The following TLN2 variants were observed in gnomAD, a reference collection of about 807,000 sequenced individuals.
The protein encoded by TLN2 is talin-2.
TLN2 carries 118 observed loss-of-function variants against 294.7 expected under a neutral mutation model. The ratio of observed to expected loss-of-function variants is 0.40; its 90% CI spans 0.34 to 0.47. The LOEUF is 0.47. Ranked by LOEUF, TLN2 falls within the 20% of genes least tolerant of loss-of-function variation. TLN2 has a pLI of 0.84. For missense variants in TLN2, 3,083 were observed against 3,282.2 expected (o/e 0.94, Z 1.48); for synonymous variants, 1,431 against 1,304.5 (o/e 1.10, Z -2.09).
At chr15:62,821,462 A>AGC (rs2067562391) in intron 54 of TLN2, among the ~76,000 whole-genome samples, 1 of 152,248 alleles carries the variant, frequency 6.6e-6, no homozygotes, top group Non-Finnish European at 1.5e-5. Flanking sequence ...ATTTAGGTAT[A>AGC]CCTAAAAATT....
At position 62,536,402 on chromosome 15, in the gene TLN2, A is replaced by G. The variant is rs543171043; in HGVS notation, c.-237-53285A>G. 6.6e-5 allele frequency among the ~76,000 whole-genome samples: 10 copies of G among 152,334 alleles called. 1 individual carries two copies. The South Asian group carries it at 2.1e-3, about 32-fold the overall frequency. On this transcript the variant is annotated intron_variant, in intron 1 of 58. Transcript: ENST00000636159. ...TCTCTCATCCGTAGGGGCTTCTGAT[A>G]TCTTGTTTTTTCTTCTGTGGCACCA... is the stretch of plus-strand genomic sequence containing the variant.
rs779321310 is a variant in TLN2 at position 62,707,186 on chromosome 15, A to G, written c.2105A>G (p.Gln702Arg). 3.1e-6 allele frequency: 5 copies of G among 1,614,116 alleles called. No homozygotes were observed. Among genetic ancestry groups the G allele is most frequent in the Non-Finnish European group, 3.4e-6 (4 of 1,180,040 alleles). ...CAAGTGGCCGAAGACACTGTCCTAC[A>G]GAACAGGGTAATTGCTGCTGCCACC... ...VAQVAEDTVL[Q>R]NRVIAAATQC... Residue 702 changes from glutamine to arginine, a missense_variant, in exon 20 of 59, where the codon CAG becomes CGG. Gln to Arg is a conservative substitution (Grantham distance 43). Coordinates refer to ENST00000636159, the MANE Select transcript of TLN2 (RefSeq NM_015059.3).
chr15:62,835,790 G>A lies in TLN2; in HGVS notation c.7182G>A (p.Leu2394=), dbSNP rs781417533. The change falls in exon 56 of 59, where the codon CTG becomes CTA. Residue 2394 remains leucine, a synonymous_variant. Coordinates refer to ENST00000636159, the MANE Select transcript of TLN2 (RefSeq NM_015059.3). Reference sequence around the variant, plus strand: ...ACGACGGACAGTGGTCACAGGGGCTGATTTCTGCTGTGAGTTGCCTTCTCC... The same window carrying A: ...ACGACGGACAGTGGTCACAGGGGCTAATTTCTGCTGTGAGTTGCCTTCTCC... ...AADDGQWSQG[L]ISAARMVAAA... 1 of 1,614,242 alleles carries A rather than the reference G, an allele frequency of 6.2e-7. No homozygotes were observed. Among genetic ancestry groups the A allele is most frequent in the South Asian group, 1.1e-5 (1 of 91,088 alleles).
chr15:62,567,644 GACAA>G (rs35897696), intron 1 of TLN2, among the ~76,000 whole-genome samples: 29,727 of 152,008 alleles, frequency 0.2, 3,539 homozygotes, highest in East Asian at 0.53. Context: ...AGACCAGTGT[GACAA>G]ACATAGCAAA....
At position 62,693,367 on chromosome 15, in the gene TLN2, T is replaced by A. The variant is rs150389475; in HGVS notation, c.1215+426T>A. On this transcript the variant is annotated intron_variant, in intron 13 of 58. Coordinates refer to ENST00000636159, the MANE Select transcript of TLN2 (RefSeq NM_015059.3). Reference sequence around the variant, plus strand: ...AACAAAACTTGATTTACTAATTTAATCTTTAATCACTAATTAAGTGTGAGA... The same window carrying A: ...AACAAAACTTGATTTACTAATTTAAACTTTAATCACTAATTAAGTGTGAGA... 5.0e-4 allele frequency among the ~76,000 whole-genome samples: 76 copies of A among 152,324 alleles called. 1 individual carries two copies. The East Asian group carries it at 0.014, about 28-fold the overall frequency.
At chr15:62,603,377 C>T (rs1428328198) in intron 2 of TLN2, among the ~76,000 whole-genome samples, 1 of 152,082 alleles carries the variant, frequency 6.6e-6, no homozygotes, top group East Asian at 1.9e-4. Flanking sequence ...ACTCTATGCA[C>T]GTTTCTCTGC....
rs1243239921 is a variant in TLN2 at position 62,702,833 on chromosome 15, T to C, written c.1973T>C (p.Ile658Thr). ...GQASGDLLRQ[I>T]GENETDERFQ... ...GCCAGTGGGGATCTTCTGAGACAGA[T>C]TGGAGAGAATGAGACTGATGAGCGA... is the stretch of plus-strand genomic sequence containing the variant. Residue 658 changes from isoleucine to threonine, a missense_variant, in exon 19 of 59, where the codon ATT (isoleucine) becomes ACT (threonine). Transcript: ENST00000636159. 1.9e-6 allele frequency: 3 copies of C among 1,614,026 alleles called. No individual in the cohort carries two copies. Among genetic ancestry groups the C allele is most frequent in the Non-Finnish European group, 1.7e-6 (2 of 1,180,026 alleles).
intron 45 of TLN2, among the ~76,000 whole-genome samples, chr15:62,788,924 G>T (rs59061479): frequency 6.6e-6 from 1 of 152,162 alleles, no homozygotes; most frequent in African/African-American, 2.4e-5. Context: ...AAGGAACAAA[G>T]GCCCCTCAAG....
chr15:62,583,654 C>T (rs2045337276), intron 1 of TLN2, among the ~76,000 whole-genome samples: 2 of 152,002 alleles, frequency 1.3e-5, no homozygotes, highest in African/African-American at 4.8e-5. Flanking sequence ...ATATTTTGGC[C>T]AGTTCATAAA....
intron 32 of TLN2, among the ~76,000 whole-genome samples, chr15:62,747,462 A>G (rs1481998680): frequency 6.6e-6 from 1 of 152,216 alleles, no homozygotes; most frequent in African/African-American, 2.4e-5. Context: ...TTTTAAAATC[A>G]TAGGCACAGT....
At chr15:62,455,639 C>T (rs1083870) in intron 1 of TLN2, among the ~76,000 whole-genome samples, 57,448 of 152,108 alleles carry the variant, frequency 0.38, 11,233 homozygotes, top group East Asian at 0.71. Context: ...CTCCAGCAAC[C>T]CTTTGGTGGC....
At chr15:62,796,077 C>A (rs1177776917) in intron 46 of TLN2, 50 bp from the exon 47 acceptor site, 1 of 1,595,346 alleles carries the variant, frequency 6.3e-7, no homozygotes, top group East Asian at 2.2e-5. Flanking sequence ...GCTTTTAGGT[C>A]CTGTTCTCTC....
intron 37 of TLN2, among the ~76,000 whole-genome samples, chr15:62,759,941 G>C (rs2062559338): frequency 6.6e-6 from 1 of 152,226 alleles, no homozygotes; most frequent in Non-Finnish European, 1.5e-5. Flanking sequence ...GACCTCCAGG[G>C]ATCTACCAAA....
chr15:62,594,137 C>T (rs1460389073), intron 2 of TLN2, among the ~76,000 whole-genome samples: 1 of 152,154 alleles, frequency 6.6e-6, no homozygotes, highest in Non-Finnish European at 1.5e-5. Flanking sequence ...AAAACAGACA[C>T]ATAGACCAGT....
At chr15:62,633,310 T>C (rs8031765) in intron 3 of TLN2, among the ~76,000 whole-genome samples, 131,014 of 152,196 alleles carry the variant, frequency 0.86, 57,027 homozygotes, top group East Asian at 0.95. Flanking sequence ...TGTTTATTTG[T>C]TTTGGAGATG....
chr15:62,693,983 T>G (rs2058130442), intron 13 of TLN2, among the ~76,000 whole-genome samples: 2 of 81,854 alleles, frequency 2.4e-5, no homozygotes, highest in Admixed American at 2.6e-4. Context: ...TTTTTTTTTT[T>G]TTTGAGACAG....
At chr15:62,467,889 A>G (rs1595875894) in intron 1 of TLN2, among the ~76,000 whole-genome samples, 1 of 152,292 alleles carries the variant, frequency 6.6e-6, no homozygotes, top group Middle Eastern at 3.4e-3. Flanking sequence ...CTGCGGGGCC[A>G]GATCTCCAAA....
intron 1 of TLN2, among the ~76,000 whole-genome samples, chr15:62,430,740 G>A (rs780949793): frequency 2.8e-4 from 43 of 152,022 alleles, no homozygotes; most frequent in Non-Finnish European, 5.6e-4. Context: ...GTCATGGCCC[G>A]GTATGTCAGA....
chr15:62,498,360 C>T (rs1410835585), intron 1 of TLN2, among the ~76,000 whole-genome samples: 2 of 152,060 alleles, frequency 1.3e-5, no homozygotes, highest in African/African-American at 4.8e-5. Flanking sequence ...GTATTCGATC[C>T]TTGAGTAGTC....
Sources: gnomAD v4.1 joint callset for allele counts (sites outside exome capture counted in the v4.1 genomes callset) on GRCh38, gnomAD v4.1.1 for gene constraint, MANE v1.5 for transcripts, NCBI Gene and HGNC (gene_info 2026-07-23, HGNC 2026-07-21) for gene names.